The following AQR variants were observed in gnomAD, a reference collection of about 807,000 sequenced individuals.
AQR encodes the protein RNA helicase aquarius.
AQR carries 61 observed loss-of-function variants against 180.5 expected under a neutral mutation model. The ratio of observed to expected loss-of-function variants is 0.34; its 90% CI spans 0.28 to 0.42. AQR has a LOEUF of 0.42. Ranked by LOEUF, AQR falls within the 10% of genes least tolerant of loss-of-function variation. The pLI is 1.00. For missense variants in AQR, 1,281 were observed against 1,798.3 expected, an observed-to-expected ratio of 0.71 and a Z score of 5.20; for synonymous variants, 551 against 588.8, an observed-to-expected ratio of 0.94 and a Z score of 0.93.
At chr15:34,930,191 C>T in intron 12 of AQR, 67 bp downstream of exon 12, 1 of 961,526 alleles carries the variant, frequency 1.0e-6, no homozygotes, top group East Asian at 2.4e-5. Flanking sequence ...TGTACCTATA[C>T]AAAACCTAAA....
At chr15:34,965,258 TCTTTG>T (rs1378760652) in intron 1 of AQR, among the ~76,000 whole-genome samples, 1 of 152,256 alleles carries the variant, frequency 6.6e-6, no homozygotes, top group Non-Finnish European at 1.5e-5. Flanking sequence ...GGACTTGTTT[TCTTTG>T]CTTTTATAGC....
intron 14 of AQR, among the ~76,000 whole-genome samples, chr15:34,919,289 T>C (rs1893646607): frequency 6.6e-6 from 1 of 151,056 alleles, no homozygotes; most frequent in Admixed American, 6.6e-5. Context: ...TATCTAATAA[T>C]GCTAAAATGA....
At chr15:34,919,724 C>CT (rs950322074) in intron 14 of AQR, among the ~76,000 whole-genome samples, 2 of 152,048 alleles carry the variant, frequency 1.3e-5, no homozygotes, top group African/African-American at 4.8e-5. Flanking sequence ...TGGCGAAACT[C>CT]TATCTTCTAC....
At chr15:34,880,788 C>G (rs1240665132) in intron 27 of AQR, among the ~76,000 whole-genome samples, 1 of 151,946 alleles carries the variant, frequency 6.6e-6, no homozygotes, top group Admixed American at 6.5e-5. Flanking sequence ...AAAGACAATG[C>G]CTAAAATGGA....
chr15:34,948,079 G>T, intron 5 of AQR, 185 bp downstream of exon 5: 1 of 536,606 alleles, frequency 1.9e-6, no homozygotes. Flanking sequence ...TTATTAAATC[G>T]TTTGAAGAAA....
chr15:34,865,381 T>G (rs1264155884), intron 32 of AQR, among the ~76,000 whole-genome samples: 4 of 152,182 alleles, frequency 2.6e-5, no homozygotes, highest in Non-Finnish European at 4.4e-5. Flanking sequence ...CTCCACATTG[T>G]CCTAAAACAG....
intron 8 of AQR, 38 bp downstream of exon 8, chr15:34,940,861 A>C: frequency 6.7e-7 from 1 of 1,490,636 alleles, no homozygotes; most frequent in South Asian, 1.2e-5. Flanking sequence ...ACAATCCAGC[A>C]TAATAAGCCA....
chr15:34,872,834 T>C (rs1468809278), intron 30 of AQR, among the ~76,000 whole-genome samples: 1 of 152,076 alleles, frequency 6.6e-6, no homozygotes, highest in Non-Finnish European at 1.5e-5. Context: ...TTGGATATTT[T>C]GCTGTAAAGA....
At position 34,860,167 on chromosome 15, in the gene AQR, A is replaced by T. The variant is rs373543770; in HGVS notation, c.4030-12T>A. 7.4e-5 allele frequency: 104 copies of T among 1,411,852 alleles called. No homozygotes were observed. Among genetic ancestry groups the T allele is most frequent in the Non-Finnish European group, 9.4e-5 (98 of 1,043,668 alleles). 87.5% of individuals were successfully genotyped at this position (1,411,852 alleles called of 1,614,324 possible). On this transcript the variant is annotated splice_polypyrimidine_tract_variant and intron_variant, in intron 33 of 34. Coordinates refer to ENST00000156471, the MANE Select transcript of AQR (RefSeq NM_014691.3). ...GGTCTCTCTCCATTCTAGAAGAAGGAAAAAAGAACGTTAAGTATCTAGTAA... is the reference window on the plus strand; with the variant it reads ...GGTCTCTCTCCATTCTAGAAGAAGGTAAAAAGAACGTTAAGTATCTAGTAA...
chr15:34,935,692 T>C (rs1322437497), intron 9 of AQR, among the ~76,000 whole-genome samples: 1 of 152,168 alleles, frequency 6.6e-6, no homozygotes, highest in African/African-American at 2.4e-5. Flanking sequence ...AGAGCATCTA[T>C]TCTAGATCTT....
Position 34,882,643 on chromosome 15 carries a change from T to G in AQR, c.3028-4A>C, listed in dbSNP as rs1201425637. The G allele has an allele frequency of 1.9e-6, 3 of 1,595,506 alleles. No homozygotes were observed. The highest frequency in any genetic ancestry group is 2.6e-6 in the Non-Finnish European group (3 of 1,172,430). On this transcript the variant is annotated splice_region_variant and splice_polypyrimidine_tract_variant and intron_variant, in intron 26 of 34. Coordinates refer to ENST00000156471, the MANE Select transcript of AQR (RefSeq NM_014691.3). ...GCAATTCAGAGGCTCTGAATTCCTATGGAAACGAGGAGCAATGAAAGATAA... is the reference window on the plus strand; with the variant it reads ...GCAATTCAGAGGCTCTGAATTCCTAGGGAAACGAGGAGCAATGAAAGATAA...
chr15:34,893,182 G>A (rs1228226218), intron 23 of AQR, among the ~76,000 whole-genome samples: 3 of 152,164 alleles, frequency 2.0e-5, no homozygotes, highest in South Asian at 4.1e-4. Flanking sequence ...TGCTACCTGC[G>A]TCAGTCACGT....
At chr15:34,898,650 C>T (rs1595790544) in intron 20 of AQR, among the ~76,000 whole-genome samples, 3 of 152,260 alleles carry the variant, frequency 2.0e-5, no homozygotes, top group East Asian at 1.9e-4. Flanking sequence ...TTTGGGAGGC[C>T]GAGGCGGGTG....
intron 6 of AQR, among the ~76,000 whole-genome samples, chr15:34,942,814 A>G (rs945242145): frequency 6.6e-5 from 10 of 152,250 alleles, no homozygotes; most frequent in African/African-American, 2.4e-4. Context: ...GTTCAGCATT[A>G]GCTCATTCAA....
intron 16 of AQR, among the ~76,000 whole-genome samples, chr15:34,910,719 T>C (rs768701766): frequency 2.0e-5 from 3 of 152,214 alleles, no homozygotes; most frequent in Middle Eastern, 3.2e-3. Flanking sequence ...AAATTGTATA[T>C]AGTTAAGGAA....
At chr15:34,893,632 C>A in intron 23 of AQR, 31 bp downstream of exon 23, 1 of 1,560,512 alleles carries the variant, frequency 6.4e-7, no homozygotes, top group Non-Finnish European at 8.8e-7. Flanking sequence ...CACACACACA[C>A]ACACACACAC....
chr15:34,893,844 A>G, intron 22 of AQR, 71 bp from the exon 23 acceptor site: 2 of 1,304,226 alleles, frequency 1.5e-6, no homozygotes, highest in Admixed American at 3.5e-5. Context: ...GAAAACGTGA[A>G]GTACAGACCT....
intron 17 of AQR, among the ~76,000 whole-genome samples, chr15:34,909,652 A>T (rs1348708721): frequency 6.6e-6 from 1 of 152,118 alleles, no homozygotes; most frequent in Non-Finnish European, 1.5e-5. Flanking sequence ...TATTTTCCAC[A>T]AAGTGTATGT....
chr15:34,917,192 A>G (rs1347537058), intron 15 of AQR, among the ~76,000 whole-genome samples: 3 of 152,238 alleles, frequency 2.0e-5, no homozygotes, highest in Non-Finnish European at 4.4e-5. Context: ...TATGTTCTGA[A>G]ATCTAGCACA....
Sources: allele counts gnomAD v4.1 joint callset (sites outside exome capture counted in the v4.1 genomes callset), GRCh38; gene constraint gnomAD v4.1.1; transcripts MANE v1.5; gene names NCBI Gene and HGNC (gene_info 2026-07-23, HGNC 2026-07-21).